UBE2W: variants seen among roughly 807,000 people sequenced by gnomAD.
UBE2W encodes the protein ubiquitin-conjugating enzyme E2 W.
Under a neutral mutation model 27.2 loss-of-function variants are expected in UBE2W, and 18 were observed. The ratio of observed to expected loss-of-function variants is 0.66; its 90% confidence interval spans 0.46 to 0.98. UBE2W has a LOEUF of 0.98. Among genes scored for constraint, UBE2W ranks in the 50% least tolerant of loss-of-function variants. The pLI, the probability that UBE2W is intolerant of heterozygous loss-of-function variation, is 0.00. For synonymous variants in UBE2W, 53 were observed against 57.2 expected (o/e 0.93, Z 0.33); for missense variants, 90 against 180.2 (o/e 0.50, Z 2.87).
intron 3 of UBE2W, among the ~76,000 whole-genome samples, chr8:73,815,571 G>C (rs1423656835): frequency 6.6e-6 from 1 of 152,036 alleles, no homozygotes; most frequent in East Asian, 1.9e-4. Flanking sequence ...ATAAAGGATG[G>C]GTATCAGGTA....
intron 1 of UBE2W, among the ~76,000 whole-genome samples, chr8:73,864,091 C>G (rs1225283375): frequency 6.6e-6 from 1 of 152,110 alleles, no homozygotes; most frequent in African/African-American, 2.4e-5. Context: ...CAAAAGTATA[C>G]TGAAACTTAA....
intron 1 of UBE2W, among the ~76,000 whole-genome samples, chr8:73,866,280 AAAAAAAAAAAAT>A (rs1223439670): frequency 1.0e-5 from 1 of 99,000 alleles, no homozygotes; most frequent in East Asian, 2.5e-4. Flanking sequence ...AAAAAAAAAA[AAAAAAAAAAAAT>A]ATATATATAT....
intron 1 of UBE2W, among the ~76,000 whole-genome samples, chr8:73,854,010 G>T (rs908016260): frequency 1.4e-4 from 21 of 152,044 alleles, no homozygotes; most frequent in African/African-American, 4.1e-4. Context: ...TTAGCTGGGC[G>T]TGGTGGTGCA....
chr8:73,789,111 A>G lies in UBE2W; in HGVS notation c.*4991T>C, dbSNP rs1431162721. On this transcript the variant is annotated 3_prime_UTR_variant, in exon 6 of 6. Coordinates refer to ENST00000602593, the MANE Select transcript of UBE2W (RefSeq NM_018299.6). ...ACTTCAACTTTCAGGATAGAGAGCT[A>G]AGTTTCAAGTACATGTCTAGATTCT... The G allele has an allele frequency of 1.0e-6, 1 of 985,068 alleles. No homozygotes were observed. The highest frequency in any genetic ancestry group is 1.2e-6 in the Non-Finnish European group (1 of 829,874). 61.0% of individuals were successfully genotyped at this position (985,068 alleles called of 1,614,324 possible). A position where few individuals can be genotyped will look rare whatever the true frequency, so the allele number is the denominator to read the frequency against.
chr8:73,814,319 T>C (rs904046198), intron 3 of UBE2W, among the ~76,000 whole-genome samples: 10 of 152,218 alleles, frequency 6.6e-5, no homozygotes, highest in African/African-American at 9.6e-5. Context: ...CACAATAAAT[T>C]TGAAACCATA....
downstream of UBE2W, among the ~76,000 whole-genome samples, chr8:73,781,709 A>C (rs1470563938): frequency 6.7e-6 from 1 of 150,126 alleles, no homozygotes; most frequent in Non-Finnish European, 1.5e-5. Flanking sequence ...CCTCCCAAGT[A>C]GTTGGGACCA....
intron 3 of UBE2W, among the ~76,000 whole-genome samples, chr8:73,813,488 CT>C (rs1809260315): frequency 6.6e-6 from 1 of 152,142 alleles, no homozygotes; most frequent in South Asian, 2.1e-4. Context: ...ACAGCAGGGG[CT>C]TTTTAACATA....
intron 2 of UBE2W, 100 bp downstream of exon 2, chr8:73,830,278 AAAG>A: frequency 1.2e-6 from 1 of 812,942 alleles, no homozygotes; most frequent in Non-Finnish European, 2.0e-6. Flanking sequence ...CCTCTTGGTG[AAAG>A]AATGAAATGT....
chr8:73,805,100 T>C (rs1453948860), intron 5 of UBE2W, among the ~76,000 whole-genome samples: 1 of 152,130 alleles, frequency 6.6e-6, no homozygotes, highest in East Asian at 1.9e-4. Context: ...AGTCTCCGAA[T>C]GTCAAAGTAA....
At chr8:73,780,446 T>TA (rs749069940) in exon 5 of UBE2W, 141 of 449,302 alleles carry the variant, frequency 3.1e-4, no homozygotes, top group Non-Finnish European at 3.4e-4. Context: ...TACTGGGAGT[T>TA]AAGACTTCAA....
intron 1 of UBE2W, among the ~76,000 whole-genome samples, chr8:73,847,815 T>C (rs1586517650): frequency 6.6e-6 from 1 of 151,912 alleles, no homozygotes; most frequent in African/African-American, 2.4e-5. Flanking sequence ...GGCAGGAGAA[T>C]TGCTTGAACC....
chr8:73,787,898 A>G lies in UBE2W; in HGVS notation c.*6204T>C, dbSNP rs1808025877. ...CTCAGTCTTTAGTTGGGACTTATTA[A>G]AACACTAAAACTAGCTACATATTAC... On this transcript the variant is annotated 3_prime_UTR_variant, in exon 6 of 6. Transcript: ENST00000602593. The G allele has an allele frequency of 2.0e-6, 2 of 985,438 alleles. No individual in the cohort carries two copies. Among genetic ancestry groups the G allele is most frequent in the African/African-American group, 3.5e-5 (2 of 57,380 alleles). The allele number at this position is 985,438 out of a possible 1,614,324, so 61.0% of individuals were successfully genotyped here.
intron 1 of UBE2W, among the ~76,000 whole-genome samples, chr8:73,850,390 A>G (rs925368500): frequency 1.3e-5 from 2 of 152,188 alleles, no homozygotes; most frequent in African/African-American, 4.8e-5. Context: ...TTGTAGGTCA[A>G]TACCCTAAGA....
At chr8:73,860,564 C>G (rs745456557) in intron 1 of UBE2W, among the ~76,000 whole-genome samples, 6 of 151,894 alleles carry the variant, frequency 4.0e-5, no homozygotes, top group Non-Finnish European at 5.9e-5. Flanking sequence ...AAAAACCCTA[C>G]GAAAGAGGTA....
chr8:73,789,181 G>T lies in UBE2W; in HGVS notation c.*4921C>A. ...GATGTACATAAACCTGTCTTAAATC[G>T]GCAAACAGACGAGGCATGGTGGCTT... On this transcript the variant is annotated 3_prime_UTR_variant, in exon 6 of 6. Transcript: ENST00000602593. 1.0e-6 allele frequency: 1 copy of T among 984,586 alleles called. No individual in the cohort carries two copies. The highest frequency in any genetic ancestry group is 1.2e-6 in the Non-Finnish European group (1 of 829,750). The allele number at this position is 984,586 out of a possible 1,614,324, so 61.0% of individuals were successfully genotyped here. A position where few individuals can be genotyped will look rare whatever the true frequency, so the allele number is the denominator to read the frequency against.
chr8:73,811,684 G>A (rs1809160224), intron 3 of UBE2W, among the ~76,000 whole-genome samples: 1 of 152,110 alleles, frequency 6.6e-6, no homozygotes, highest in Non-Finnish European at 1.5e-5. Context: ...AAACCCATCA[G>A]ATATAAACCA....
intron 5 of UBE2W, among the ~76,000 whole-genome samples, chr8:73,799,567 C>T (rs2130853605): frequency 6.6e-6 from 1 of 152,310 alleles, no homozygotes; most frequent in African/African-American, 2.4e-5. Context: ...CTGCATCCAG[C>T]ATCCAGGAAG....
In UBE2W at chr8:73,792,875, T is replaced by C. The variant is rs145025778; in HGVS notation, c.*1227A>G. Reference sequence around the variant, plus strand: ...AAACAAAACCCTCCAGGAAAAACTATATGGCTGTGTGAGACAAATAAGCAA... The same window carrying C: ...AAACAAAACCCTCCAGGAAAAACTACATGGCTGTGTGAGACAAATAAGCAA... On this transcript the variant is annotated 3_prime_UTR_variant, in exon 6 of 6. Transcript: ENST00000602593. The C allele has an allele frequency of 2.0e-6, 2 of 985,642 alleles. No homozygotes were observed. The highest frequency in any genetic ancestry group is 6.2e-5 in the Admixed American group (1 of 16,260). The allele number at this position is 985,642 out of a possible 1,614,324, so 61.1% of individuals were successfully genotyped here.
downstream of UBE2W, among the ~76,000 whole-genome samples, chr8:73,781,929 C>CTTTTTTT (rs71269945): frequency 6.2e-5 from 6 of 96,012 alleles, 1 homozygote; most frequent in South Asian, 1.9e-3. Context: ...TAAAAGCCTC[C>CTTTTTTT]TTTTTTTTTT....
Sources: allele counts gnomAD v4.1 joint callset (sites outside exome capture counted in the v4.1 genomes callset), GRCh38; gene constraint gnomAD v4.1.1; transcripts MANE v1.5; gene names NCBI Gene and HGNC (gene_info 2026-07-23, HGNC 2026-07-21).